The following CLDN16 variants were observed in gnomAD, a reference collection of about 807,000 sequenced individuals.
The protein encoded by CLDN16 is claudin 16, also known as claudin-16.
In CLDN16, 13 loss-of-function variants were observed where a neutral mutation model predicts 24.6. That is an observed-to-expected ratio of 0.53 (90% confidence interval 0.34 to 0.84). The LOEUF (loss-of-function observed/expected upper bound fraction) is 0.84, where lower values mean the gene tolerates loss of function less well. CLDN16 is among the 40% of genes least tolerant of loss of function. The pLI, the probability that CLDN16 is intolerant of heterozygous loss-of-function variation, is 0.01. For missense variants in CLDN16, 298 were observed against 292.7 expected, an observed-to-expected ratio of 1.02 and a Z score of -0.13; for synonymous variants, 116 against 106.7, an observed-to-expected ratio of 1.09 and a Z score of -0.54.
intron 1 of CLDN16, among the ~76,000 whole-genome samples, chr3:190,400,674 G>C (rs958537752): frequency 6.6e-6 from 1 of 152,146 alleles, no homozygotes; most frequent in Non-Finnish European, 1.5e-5. Flanking sequence ...TTGTTAAATA[G>C]TATTCCATTG....
intron 1 of CLDN16, among the ~76,000 whole-genome samples, chr3:190,323,850 G>A (rs984432102): frequency 6.6e-6 from 1 of 152,178 alleles, no homozygotes; most frequent in Non-Finnish European, 1.5e-5. Flanking sequence ...ATGTAAGACA[G>A]GAGCTAGATG....
At chr3:190,384,613 G>A (rs552783413), upstream of CLDN16, among the ~76,000 whole-genome samples, 2 of 152,226 alleles carry the variant, frequency 1.3e-5, no homozygotes, top group African/African-American at 2.4e-5. Flanking sequence ...AAAATCAATA[G>A]CCCTGGAGCT....
At chr3:190,312,970 A>G in the CLDN16 span, 1 of 1,614,104 alleles carries the variant, frequency 6.2e-7, no homozygotes, top group Non-Finnish European at 8.5e-7. Context: ...AACGGTGGCC[A>G]CAAAGATTGC....
intron 1 of CLDN16, among the ~76,000 whole-genome samples, chr3:190,352,095 GC>G (rs11358199): frequency 0.67 from 101,560 of 151,428 alleles, 34,174 homozygotes; most frequent in Middle Eastern, 0.73. Context: ...TTGGAATCAT[GC>G]TTTTCTAAAT....
In CLDN16 at chr3:190,345,082, C is replaced by T. The variant is rs1250839568; in HGVS notation, n.121+22421C>T. Reference sequence around the variant, plus strand: ...AAGGGTAAAGTAATTTGACTAAAGACACCCCTCTCCACCTAACACACACAC... The same window carrying T: ...AAGGGTAAAGTAATTTGACTAAAGATACCCCTCTCCACCTAACACACACAC... On this transcript the variant is annotated intron_variant and non_coding_transcript_variant, in intron 1 of 4. Coordinates refer to the CLDN16 transcript ENST00000468220. 2.0e-5 allele frequency among the ~76,000 whole-genome samples: 3 copies of T among 152,072 alleles called. No homozygotes were observed. In the South Asian group the frequency reaches 6.2e-4, roughly 32 times the overall value.
intron 1 of CLDN16, among the ~76,000 whole-genome samples, chr3:190,364,149 A>G (rs530505516): frequency 6.6e-6 from 1 of 152,014 alleles, no homozygotes; most frequent in South Asian, 2.1e-4. Flanking sequence ...CTTCAGCCAG[A>G]TAATAGGACA....
At chr3:190,387,884 G>T (rs1718544560), upstream of CLDN16, 1 of 568,424 alleles carries the variant, frequency 1.8e-6, no homozygotes, top group South Asian at 2.0e-5. Flanking sequence ...TCTTCCGAGT[G>T]GGGAGGAGAA....
chr3:190,404,813 G>T lies in CLDN16; in HGVS notation c.269G>T (p.Gly90Val), dbSNP rs1577430719. ...ATGATTACTGCAGATATTCTAGCTG[G>T]GTTTGGATTTCTCACCCTGCTCCTT... is the stretch of plus-strand genomic sequence containing the variant. ...ALMITADILA[G>V]FGFLTLLLGL... Residue 90 changes from glycine to valine, a missense_variant, in exon 3 of 5, where the codon GGG becomes GTG. Coordinates refer to ENST00000264734, the MANE Select transcript of CLDN16 (RefSeq NM_006580.4). The T allele has an allele frequency of 3.1e-6, 5 of 1,614,094 alleles. No individual in the cohort carries two copies. In the East Asian group the frequency reaches 1.1e-4, roughly 36 times the overall value.
chr3:190,381,622 A>G (rs1718374619), intron 3 of CLDN16, among the ~76,000 whole-genome samples: 1 of 152,086 alleles, frequency 6.6e-6, no homozygotes, highest in Admixed American at 6.6e-5. Context: ...GGAATAAAAT[A>G]GAAAGTTAGT....
chr3:190,301,797 T>C, the CLDN16 span, among the ~76,000 whole-genome samples: 2 of 152,204 alleles, frequency 1.3e-5, no homozygotes, highest in Non-Finnish European at 2.9e-5. Context: ...CTTGCCTGGA[T>C]TATTGTAATA....
chr3:190,382,163 A>G (rs1395457596), intron 3 of CLDN16, among the ~76,000 whole-genome samples: 1 of 152,122 alleles, frequency 6.6e-6, no homozygotes, highest in Non-Finnish European at 1.5e-5. Flanking sequence ...GAATGACTTC[A>G]TGAGTTGCCT....
At chr3:190,353,356 G>C (rs1418504573) in intron 1 of CLDN16, among the ~76,000 whole-genome samples, 2 of 152,020 alleles carry the variant, frequency 1.3e-5, no homozygotes, top group Non-Finnish European at 2.9e-5. Context: ...ATTTTATCAT[G>C]ATGAGTGCAC....
upstream of CLDN16, among the ~76,000 whole-genome samples, chr3:190,383,712 A>T (rs1280488436): frequency 1.3e-5 from 2 of 152,164 alleles, no homozygotes; most frequent in Non-Finnish European, 1.5e-5. Flanking sequence ...GACAAAAATG[A>T]AATTGTTTTA....
chr3:190,299,335 A>G, the CLDN16 span, among the ~76,000 whole-genome samples: 1 of 152,072 alleles, frequency 6.6e-6, no homozygotes, highest in Non-Finnish European at 1.5e-5. Context: ...TGTTCTCAAT[A>G]TTAAGTCTTT....
chr3:190,375,774 T>C (rs545943666), intron 3 of CLDN16, among the ~76,000 whole-genome samples: 1 of 151,888 alleles, frequency 6.6e-6, no homozygotes, highest in South Asian at 2.1e-4. Context: ...TTTTAGAAGA[T>C]TCGGCTTCTG....
intron 1 of CLDN16, among the ~76,000 whole-genome samples, chr3:190,331,452 G>T (rs1717178613): frequency 6.6e-6 from 1 of 152,056 alleles, no homozygotes; most frequent in Non-Finnish European, 1.5e-5. Context: ...TATAATCTAG[G>T]CCCTAACTGC....
chr3:190,313,033 G>A, the CLDN16 span: 11 of 1,614,000 alleles, frequency 6.8e-6, no homozygotes, highest in African/African-American at 1.2e-4. Context: ...TGCTTGCAAT[G>A]TGCCTGGCAG....
intron 1 of CLDN16, among the ~76,000 whole-genome samples, chr3:190,326,065 T>A (rs1267070839): frequency 6.6e-6 from 1 of 152,206 alleles, no homozygotes; most frequent in Non-Finnish European, 1.5e-5. Context: ...ATCCCATTAC[T>A]GCCACTTAAA....
intron 1 of CLDN16, among the ~76,000 whole-genome samples, chr3:190,395,534 T>C (rs1000774269): frequency 1.3e-5 from 2 of 152,018 alleles, no homozygotes; most frequent in Non-Finnish European, 2.9e-5. Flanking sequence ...ATTGAAAATG[T>C]TTCCAATTTT....
Sources: gnomAD v4.1 joint callset for allele counts (sites outside exome capture counted in the v4.1 genomes callset) on GRCh38, gnomAD v4.1.1 for gene constraint, MANE v1.5 for transcripts, NCBI Gene and HGNC (gene_info 2026-07-23, HGNC 2026-07-21) for gene names.